DOCK3: variants seen among roughly 807,000 people sequenced by gnomAD.
The protein encoded by DOCK3 is dedicator of cytokinesis protein 3.
A neutral mutation model predicts 265.6 loss-of-function variants in DOCK3; 60 were observed. The ratio of observed to expected loss-of-function variants is 0.23; its 90% CI spans 0.18 to 0.28. DOCK3 has a LOEUF of 0.28. Ranked by LOEUF, DOCK3 falls within the 10% of genes least tolerant of loss-of-function variation. The pLI, the probability that DOCK3 is intolerant of heterozygous loss-of-function variation, is 1.00. For missense variants in DOCK3, 1,981 were observed against 2,594.3 expected (o/e 0.76, Z 5.14); for synonymous variants, 881 against 938.0 (o/e 0.94, Z 1.11).
intron 32 of DOCK3, among the ~76,000 whole-genome samples, chr3:51,326,814 G>T (rs1281025055): frequency 2.0e-5 from 3 of 150,134 alleles, no homozygotes; most frequent in Admixed American, 6.7e-5. Flanking sequence ...TAGTAGAGAT[G>T]GGATTTCACC....
chr3:50,877,122 T>A (rs2047741550), intron 3 of DOCK3: 2 of 280,000 alleles, frequency 7.1e-6, no homozygotes, highest in Non-Finnish European at 1.4e-5. Flanking sequence ...TAGGCATTGC[T>A]CCAGGAAAAT....
At chr3:50,935,529 G>C (rs758313181) in intron 5 of DOCK3, among the ~76,000 whole-genome samples, 4 of 152,148 alleles carry the variant, frequency 2.6e-5, no homozygotes, top group Non-Finnish European at 5.9e-5. Context: ...ACCTGTGGTT[G>C]GAACTCTTGA....
At chr3:51,086,376 C>G (rs946245832) in intron 7 of DOCK3, among the ~76,000 whole-genome samples, 1 of 152,226 alleles carries the variant, frequency 6.6e-6, no homozygotes, top group African/African-American at 2.4e-5. Flanking sequence ...ATGAACATGT[C>G]GCAGTGCTGC....
intron 2 of DOCK3, among the ~76,000 whole-genome samples, chr3:50,782,492 T>G (rs200934557): frequency 1.3e-5 from 2 of 151,148 alleles, no homozygotes; most frequent in Non-Finnish European, 1.5e-5. Flanking sequence ...GGGTTTCACC[T>G]TGTTAGCCAG....
intron 9 of DOCK3, among the ~76,000 whole-genome samples, chr3:51,133,262 C>A (rs962608850): frequency 5.3e-5 from 8 of 151,814 alleles, no homozygotes; most frequent in African/African-American, 1.9e-4. Flanking sequence ...GTGCTGCACC[C>A]ATCAGCTCAT....
intron 4 of DOCK3, among the ~76,000 whole-genome samples, chr3:50,890,840 T>C (rs2048606975): frequency 1.3e-5 from 2 of 152,002 alleles, no homozygotes; most frequent in Non-Finnish European, 2.9e-5. Flanking sequence ...CTTTATGAGG[T>C]AGAATTTAAT....
Position 51,194,075 on chromosome 3 carries a change from A to G in DOCK3, c.1038-14699A>G, listed in dbSNP as rs533851416. The stretch of plus-strand genomic sequence containing the variant: ...ATTCCCTCTTAGCACTGCTTTTACT[A>G]TGTCCTACAGGTTTGGTATGTTGTG... On this transcript the variant is annotated intron_variant, in intron 12 of 52. Coordinates refer to ENST00000266037, the MANE Select transcript of DOCK3 (RefSeq NM_004947.5). 1.7e-4 allele frequency among the ~76,000 whole-genome samples: 26 copies of G among 151,710 alleles called. No homozygotes were observed. The South Asian group carries it at 3.5e-3, about 21-fold the overall frequency.
At chr3:50,874,397 C>T (rs1413776901) in intron 3 of DOCK3, among the ~76,000 whole-genome samples, 1 of 151,548 alleles carries the variant, frequency 6.6e-6, no homozygotes, top group East Asian at 1.9e-4. Context: ...TCCCAGCTAC[C>T]TGGGAGGCTG....
chr3:51,131,292 G>T (rs1416804111), intron 9 of DOCK3, among the ~76,000 whole-genome samples: 1 of 152,066 alleles, frequency 6.6e-6, no homozygotes, highest in African/African-American at 2.4e-5. Flanking sequence ...GACATTTTGG[G>T]TCCCCTGGAA....
chr3:51,090,361 C>G lies in DOCK3; in HGVS notation c.723C>G (p.Asp241Glu). ...EDTDVFFSLYDMREGKQISER... is the reference protein window; with the variant it reads ...EDTDVFFSLYEMREGKQISER... The stretch of plus-strand genomic sequence containing the variant: ...CCGATGTCTTCTTTTCCTTATATGA[C>G]ATGAGGGAAGGCAAGCAGATCAGGT... Residue 241 changes from aspartate to glutamate, a missense_variant, in exon 9 of 53, where the codon GAC becomes GAG. Coordinates refer to ENST00000266037, the MANE Select transcript of DOCK3 (RefSeq NM_004947.5). The G allele has an allele frequency of 6.2e-7, 1 of 1,606,688 alleles. No homozygotes were observed. The highest frequency in any genetic ancestry group is 8.5e-7 in the Non-Finnish European group (1 of 1,176,528).
chr3:50,710,099 T>C (rs1329129180), intron 1 of DOCK3, among the ~76,000 whole-genome samples: 1 of 152,098 alleles, frequency 6.6e-6, no homozygotes, highest in Non-Finnish European at 1.5e-5. Flanking sequence ...CTTCTAAACA[T>C]TGGCTTAGGC....
intron 4 of DOCK3, among the ~76,000 whole-genome samples, chr3:50,930,941 G>T (rs1003659995): frequency 6.6e-6 from 1 of 152,146 alleles, no homozygotes; most frequent in Admixed American, 6.5e-5. Context: ...TGCAGCAGTG[G>T]CAGGAGAGGG....
At chr3:51,355,169 C>A in intron 41 of DOCK3, 146 bp downstream of exon 41, 1 of 1,196,614 alleles carries the variant, frequency 8.4e-7, no homozygotes, top group Non-Finnish European at 1.1e-6. Flanking sequence ...CATTGCTTAG[C>A]ACACACTTAG....
intron 12 of DOCK3, among the ~76,000 whole-genome samples, chr3:51,201,557 C>T (rs1347353037): frequency 1.3e-5 from 2 of 152,060 alleles, no homozygotes; most frequent in East Asian, 3.8e-4. Flanking sequence ...ACTTAGACTC[C>T]CACACATTAA....
At chr3:51,076,906 T>C (rs1306037183) in intron 7 of DOCK3, among the ~76,000 whole-genome samples, 1 of 152,068 alleles carries the variant, frequency 6.6e-6, no homozygotes, top group Non-Finnish European at 1.5e-5. Context: ...CTCATGTTAG[T>C]GAGTGGGAGT....
chr3:51,262,669 C>T (rs1332158403), intron 23 of DOCK3, among the ~76,000 whole-genome samples: 1 of 151,714 alleles, frequency 6.6e-6, no homozygotes, highest in Non-Finnish European at 1.5e-5. Flanking sequence ...CTAAGAACCT[C>T]GAAAAAAGGT....
intron 6 of DOCK3, 100 bp from the exon 7 acceptor site, chr3:51,075,256 T>G: frequency 1.1e-6 from 1 of 897,374 alleles, no homozygotes; most frequent in Non-Finnish European, 1.7e-6. Context: ...TGTCTGATCC[T>G]CTGTCCACAA....
intron 12 of DOCK3, among the ~76,000 whole-genome samples, chr3:51,205,667 C>T (rs888295260): frequency 6.6e-6 from 1 of 152,092 alleles, no homozygotes; most frequent in Non-Finnish European, 1.5e-5. Flanking sequence ...TGTACCGCTA[C>T]ACTCCAGCCT....
chr3:50,988,047 C>T (rs2077966470), intron 5 of DOCK3, among the ~76,000 whole-genome samples: 1 of 152,210 alleles, frequency 6.6e-6, no homozygotes, highest in African/African-American at 2.4e-5. Flanking sequence ...TCTGCAGGCT[C>T]TACTTCCACA....
Sources: gnomAD v4.1 joint callset for allele counts (sites outside exome capture counted in the v4.1 genomes callset) on GRCh38, gnomAD v4.1.1 for gene constraint, MANE v1.5 for transcripts, NCBI Gene and HGNC (gene_info 2026-07-23, HGNC 2026-07-21) for gene names.